EXOC6: variants seen among roughly 807,000 people sequenced by gnomAD.
EXOC6 encodes the protein exocyst complex component 6.
Under a neutral mutation model 112.5 loss-of-function variants are expected in EXOC6, and 60 were observed. The observed-to-expected ratio is 0.53, with a 90% CI of 0.43 to 0.66. The LOEUF is 0.66. Among genes scored for constraint, EXOC6 ranks in the 30% least tolerant of loss-of-function variants. The probability of loss-of-function intolerance (pLI) is 0.00; values close to 1 mark genes in which losing one functional copy is unlikely to be tolerated. For missense variants in EXOC6, 855 were observed against 957.1 expected (o/e 0.89, Z 1.41); for synonymous variants, 295 against 308.0 (o/e 0.96, Z 0.44).
At chr10:92,981,991 C>T (rs896361639) in intron 18 of EXOC6, among the ~76,000 whole-genome samples, 1 of 152,082 alleles carries the variant, frequency 6.6e-6, no homozygotes, top group African/African-American at 2.4e-5. Context: ...TGGCACATGC[C>T]TATAATCCCA....
At chr10:93,017,536 G>C (rs1844588507) in intron 20 of EXOC6, among the ~76,000 whole-genome samples, 1 of 152,152 alleles carries the variant, frequency 6.6e-6, no homozygotes. Context: ...GTTGCAGTGA[G>C]CCAAGATCAT....
chr10:92,834,668 T>TA, upstream of EXOC6: 1 of 1,257,782 alleles, frequency 8.0e-7, no homozygotes, highest in Non-Finnish European at 1.1e-6. Flanking sequence ...TATTTTTTTT[T>TA]TTATAAATTA....
At chr10:92,960,086 A>C (rs1033042399) in intron 17 of EXOC6, among the ~76,000 whole-genome samples, 2 of 152,232 alleles carry the variant, frequency 1.3e-5, no homozygotes, top group Non-Finnish European at 2.9e-5. Context: ...TTTATTCATA[A>C]TTGCCCAAAC....
intron 2 of EXOC6, 61 bp from the exon 3 acceptor site, chr10:92,894,733 C>A: frequency 7.9e-7 from 1 of 1,269,508 alleles, no homozygotes; most frequent in Non-Finnish European, 1.1e-6. Context: ...CAAGGGTGAG[C>A]AGTTACATCA....
chr10:92,941,316 C>T (rs940805527), intron 13 of EXOC6, among the ~76,000 whole-genome samples: 19 of 152,166 alleles, frequency 1.2e-4, no homozygotes, highest in African/African-American at 4.6e-4. Context: ...TTTTGTTTAT[C>T]AGTTCATCTG....
chr10:92,896,119 ATGTG>A (rs1198813076), intron 4 of EXOC6, among the ~76,000 whole-genome samples: 5 of 21,708 alleles, frequency 2.3e-4, no homozygotes, highest in Non-Finnish European at 3.4e-4. Context: ...GTGTATATAT[ATGTG>A]TGTGTGTGTG....
chr10:92,917,371 A>T, intron 7 of EXOC6, among the ~76,000 whole-genome samples: 1 of 151,900 alleles, frequency 6.6e-6, no homozygotes, highest in Non-Finnish European at 1.5e-5. Flanking sequence ...ACCTATTTAA[A>T]AAATTGGTGC....
chr10:92,852,270 T>A (rs973818508), intron 1 of EXOC6, among the ~76,000 whole-genome samples: 4 of 152,204 alleles, frequency 2.6e-5, no homozygotes, highest in Non-Finnish European at 5.9e-5. Context: ...CCAGATAGTT[T>A]TACTGGTGGA....
At chr10:92,979,089 T>C (rs1842733666) in intron 18 of EXOC6, among the ~76,000 whole-genome samples, 4 of 152,160 alleles carry the variant, frequency 2.6e-5, no homozygotes, top group Admixed American at 2.6e-4. Flanking sequence ...CTTTTAAGCT[T>C]TTAGCTTAAA....
chr10:93,044,457 A>G (rs1366641991), intron 20 of EXOC6, among the ~76,000 whole-genome samples: 1 of 152,168 alleles, frequency 6.6e-6, no homozygotes, highest in Admixed American at 6.5e-5. Flanking sequence ...ATATTATAAT[A>G]TTGTCTTTAA....
intron 17 of EXOC6, among the ~76,000 whole-genome samples, chr10:92,968,595 A>AT (rs1842160900): frequency 6.6e-6 from 1 of 152,182 alleles, no homozygotes; most frequent in Non-Finnish European, 1.5e-5. Context: ...AAGGCTTGGA[A>AT]TTGTGATATA....
chr10:92,905,155 A>G (rs572662506), intron 5 of EXOC6, among the ~76,000 whole-genome samples: 3 of 152,090 alleles, frequency 2.0e-5, no homozygotes, highest in South Asian at 4.1e-4. Flanking sequence ...CACCTTTACC[A>G]TACAGTCTTT....
chr10:93,013,367 A>G (rs1844344754), intron 19 of EXOC6, among the ~76,000 whole-genome samples: 1 of 152,030 alleles, frequency 6.6e-6, no homozygotes, highest in African/African-American at 2.4e-5. Flanking sequence ...GCACTTTGGG[A>G]GGCCGAGGCA....
chr10:92,895,251 C>G (rs958081928), intron 4 of EXOC6, among the ~76,000 whole-genome samples: 3 of 152,184 alleles, frequency 2.0e-5, no homozygotes, highest in Non-Finnish European at 4.4e-5. Context: ...ACAGCAACTT[C>G]TACATTTCCA....
chr10:92,948,076 C>G (rs1411782263), intron 13 of EXOC6, among the ~76,000 whole-genome samples, 198 bp from the exon 14 acceptor site: 1 of 152,026 alleles, frequency 6.6e-6, no homozygotes, highest in Non-Finnish European at 1.5e-5. Context: ...GGAGATTGTA[C>G]CTGGATTTTG....
intron 1 of EXOC6, among the ~76,000 whole-genome samples, chr10:92,861,603 G>A (rs1390502465): frequency 6.6e-6 from 1 of 151,840 alleles, no homozygotes; most frequent in Non-Finnish European, 1.5e-5. Flanking sequence ...TCCTTTCTTT[G>A]GCTCTTGACT....
intron 9 of EXOC6, among the ~76,000 whole-genome samples, chr10:92,933,914 G>T (rs1326904577): frequency 1.3e-5 from 2 of 152,024 alleles, no homozygotes; most frequent in African/African-American, 4.8e-5. Context: ...CTGAGAAGGG[G>T]GTTCTGAAAT....
At chr10:92,861,121 C>G (rs1847890490) in intron 1 of EXOC6, among the ~76,000 whole-genome samples, 1 of 152,184 alleles carries the variant, frequency 6.6e-6, no homozygotes, top group African/African-American at 2.4e-5. Context: ...TCATTGTTTT[C>G]AAGAGCACCC....
rs779313722 is a variant in EXOC6 at position 92,895,013 on chromosome 10, C to G, written c.405C>G (p.Cys135Trp). The change falls in exon 4 of 22, where the codon TGC becomes TGG. Residue 135 changes from cysteine to tryptophan, a missense_variant. Transcript: ENST00000260762. ...CTGTAGTAGAAAAATTGCAGTTATG[C>G]CTTCCTGGTGAGTTAAACTTGTCTA... is the stretch of plus-strand genomic sequence containing the variant. ...ITTVVEKLQLCLPVLEMYSKL... is the reference protein window; with the variant it reads ...ITTVVEKLQLWLPVLEMYSKL... 3.8e-6 allele frequency: 6 copies of G among 1,594,520 alleles called. No individual in the cohort carries two copies. In the Admixed American group the frequency reaches 5.0e-5, roughly 13 times the overall value.
Sources: allele counts gnomAD v4.1 joint callset (sites outside exome capture counted in the v4.1 genomes callset), GRCh38; gene constraint gnomAD v4.1.1; transcripts MANE v1.5; gene names NCBI Gene and HGNC (gene_info 2026-07-23, HGNC 2026-07-21).